Variants in STARD9 observed in about 807,000 individuals in gnomAD.
STARD9 encodes StAR related lipid transfer domain containing 9.
In STARD9, 346 loss-of-function variants were observed where a neutral mutation model predicts 399.8. The ratio of observed to expected loss-of-function variants is 0.87; its 90% CI spans 0.79 to 0.95. STARD9 has a LOEUF of 0.95. STARD9 is among the 40% of genes least tolerant of loss of function. STARD9 has a pLI of 0.00. For missense variants in STARD9, 5,832 were observed against 5,667.5 expected (o/e 1.03, Z -0.93); for synonymous variants, 2,203 against 2,143.5 (o/e 1.03, Z -0.77).
In STARD9 at chr15:42,694,737, C is replaced by T. The variant is rs572239274; in HGVS notation, c.12962+12C>T. 104 of 1,535,600 alleles carry T rather than the reference C, an allele frequency of 6.8e-5. No homozygotes were observed. In the East Asian group the frequency reaches 1.4e-3, roughly 21 times the overall value. Reference sequence around the variant, plus strand: ...GTGGAGACCACCAGGTAGTGTGGACCGAGAACCCTGCTGGGAGCAGGCTCT... The same window carrying T: ...GTGGAGACCACCAGGTAGTGTGGACTGAGAACCCTGCTGGGAGCAGGCTCT... On this transcript the variant is annotated intron_variant, in intron 24 of 32. Coordinates refer to ENST00000290607, the MANE Select transcript of STARD9 (RefSeq NM_020759.3).
At chr15:42,698,827 G>T (rs900308480) in intron 26 of STARD9, among the ~76,000 whole-genome samples, 1 of 151,942 alleles carries the variant, frequency 6.6e-6, no homozygotes, top group African/African-American at 2.4e-5. Flanking sequence ...GGATCCGATT[G>T]TGTTCTTTCC....
At chr15:42,718,577 A>G in intron 31 of STARD9, 63 bp downstream of exon 31, 12 of 1,489,566 alleles carry the variant, frequency 8.1e-6, no homozygotes, top group Non-Finnish European at 8.2e-6. Context: ...GTGAGAAACA[A>G]TCTATGTGGG....
In STARD9 at chr15:42,575,860, C is replaced by G. The variant is rs1436097186; in HGVS notation, c.47+98C>G. The G allele has an allele frequency of 2.9e-6, 4 of 1,367,062 alleles. No individual in the cohort carries two copies. In the African/African-American group the frequency reaches 5.7e-5, roughly 20 times the overall value. The allele number at this position is 1,367,062 out of a possible 1,614,324, so 84.7% of individuals were successfully genotyped here. ...TGCAGAGATTCTGGCGCGCAGAAAT[C>G]GGTGACAAAGTGACCCGGGGGGTCG... On this transcript the variant is annotated intron_variant, in intron 1 of 32. Coordinates refer to ENST00000290607, the MANE Select transcript of STARD9 (RefSeq NM_020759.3).
At chr15:42,717,889 CAA>C in intron 29 of STARD9, 86 bp from the exon 30 acceptor site, 1 of 1,499,622 alleles carries the variant, frequency 6.7e-7, no homozygotes, top group South Asian at 1.2e-5. Flanking sequence ...CTGGATTCCT[CAA>C]GTCTTCACTC....
intron 3 of STARD9, among the ~76,000 whole-genome samples, chr15:42,606,703 C>G (rs994411004): frequency 1.1e-4 from 16 of 151,674 alleles, no homozygotes; most frequent in Admixed American, 7.9e-4. Flanking sequence ...CTCAGGTGGT[C>G]CTCCCACCTC....
chr15:42,674,846 TGA>T lies in STARD9; in HGVS notation c.1576_1577del (p.Asp526ProfsTer103). The T allele has an allele frequency of 1.3e-6, 2 of 1,534,840 alleles. No individual in the cohort carries two copies. The highest frequency in any genetic ancestry group is 1.7e-6 in the Non-Finnish European group (2 of 1,145,876). ...TTGTAGTCCTGCAGGGTCAGTGGAT[TGA>T]GAGAGACCACTGCACTATCACCAGT... ...QDIVLQGQWI[E>X]RDHCTITSAC... On this transcript the variant is annotated frameshift_variant, in exon 18 of 33. Coordinates refer to ENST00000290607, the MANE Select transcript of STARD9 (RefSeq NM_020759.3). LOFTEE classifies it high-confidence loss of function.
chr15:42,602,742 A>G (rs1226521198), intron 3 of STARD9, among the ~76,000 whole-genome samples: 1 of 152,230 alleles, frequency 6.6e-6, no homozygotes, highest in Non-Finnish European at 1.5e-5. Flanking sequence ...CTCTATGGTA[A>G]ACGAAGAAGA....
At chr15:42,585,239 A>G (rs762864485) in intron 2 of STARD9, among the ~76,000 whole-genome samples, 2 of 152,244 alleles carry the variant, frequency 1.3e-5, no homozygotes, top group Non-Finnish European at 2.9e-5. Flanking sequence ...GAAGATGCCC[A>G]GAGCGGGAGA....
At chr15:42,588,776 GTTTTTTTTTTTTTTTTTTTTTTTT>G (rs758570571) in intron 3 of STARD9, among the ~76,000 whole-genome samples, 12 of 38,380 alleles carry the variant, frequency 3.1e-4, no homozygotes, top group Non-Finnish European at 4.0e-4. Context: ...TCTTCACAGC[GTTTTTTTTTTTTTTTTTTTTTTTT>G]TTTTTTTTTT....
intron 26 of STARD9, among the ~76,000 whole-genome samples, chr15:42,714,266 C>T (rs974823774): frequency 2.0e-5 from 3 of 151,964 alleles, no homozygotes; most frequent in Non-Finnish European, 4.4e-5. Context: ...AGGGGTTTCA[C>T]CATGTTAGCC....
At chr15:42,581,898 C>T (rs900909208) in intron 1 of STARD9, among the ~76,000 whole-genome samples, 1 of 152,158 alleles carries the variant, frequency 6.6e-6, no homozygotes, top group African/African-American at 2.4e-5. Context: ...TGCCTGTAAT[C>T]CCAGCACTTT....
intron 5 of STARD9, 38 bp from the exon 6 acceptor site, chr15:42,637,988 A>G: frequency 3.9e-6 from 6 of 1,537,318 alleles, no homozygotes; most frequent in Admixed American, 3.9e-5. Flanking sequence ...TCTCTCTACA[A>G]TTCCTACAAT....
intron 26 of STARD9, among the ~76,000 whole-genome samples, chr15:42,696,238 C>T (rs1325211268): frequency 6.6e-6 from 1 of 152,128 alleles, no homozygotes; most frequent in Non-Finnish European, 1.5e-5. Context: ...AGCATAAAAC[C>T]AGGGGTCTGA....
chr15:42,631,504 C>T (rs2059331414), intron 3 of STARD9, among the ~76,000 whole-genome samples: 2 of 151,590 alleles, frequency 1.3e-5, no homozygotes, highest in South Asian at 4.2e-4. Context: ...TGCTTGAACT[C>T]GGGAGGGAGA....
intron 7 of STARD9, among the ~76,000 whole-genome samples, chr15:42,641,514 C>A (rs977407593): frequency 2.1e-5 from 3 of 141,944 alleles, no homozygotes; most frequent in Non-Finnish European, 4.6e-5. Context: ...TTCCCTCCCC[C>A]CACCCCACAA....
chr15:42,606,754 G>A (rs1300573240), intron 3 of STARD9, among the ~76,000 whole-genome samples: 2 of 151,714 alleles, frequency 1.3e-5, no homozygotes, highest in Non-Finnish European at 2.9e-5. Context: ...AAGCCACTGC[G>A]CCCAGCCTAT....
chr15:42,598,094 C>T (rs1378077005), intron 3 of STARD9, among the ~76,000 whole-genome samples: 2 of 150,224 alleles, frequency 1.3e-5, no homozygotes, highest in East Asian at 2.0e-4. Flanking sequence ...TGCAGTGGTG[C>T]GATCTCGGCT....
rs1453964762 is a variant in STARD9 at position 42,688,239 on chromosome 15, A to G, written c.6661A>G (p.Lys2221Glu). ...PLQPRLERSSKNNGQFVKASA... is the reference protein window; with the variant it reads ...PLQPRLERSSENNGQFVKASA... ...GCAACCCAGGCTAGAGAGGTCTTCT[A>G]AGAATAATGGCCAGTTTGTAAAAGC... Residue 2221 changes from lysine (K) to glutamate (E), a missense_variant, in exon 23 of 33, where the codon AAG (lysine) becomes GAG (glutamate). Lys to Glu is a moderately conservative substitution (Grantham distance 56). Transcript: ENST00000290607. 5 of 1,537,466 alleles carry G rather than the reference A, an allele frequency of 3.3e-6. No homozygotes were observed. The African/African-American group carries it at 6.8e-5, about 21-fold the overall frequency.
chr15:42,652,032 T>C (rs2141993419), intron 8 of STARD9, among the ~76,000 whole-genome samples: 1 of 152,364 alleles, frequency 6.6e-6, no homozygotes, highest in East Asian at 1.9e-4. Flanking sequence ...ATTTCCAAGA[T>C]CTTTCTGACA....
Sources: gnomAD v4.1 joint callset for allele counts (sites outside exome capture counted in the v4.1 genomes callset) on GRCh38, gnomAD v4.1.1 for gene constraint, MANE v1.5 for transcripts, NCBI Gene and HGNC (gene_info 2026-07-23, HGNC 2026-07-21) for gene names.